IL34: variants seen among roughly 807,000 people sequenced by gnomAD.
The protein encoded by IL34 is interleukin 34, also known as interleukin-34.
Under a neutral mutation model 25.3 loss-of-function variants are expected in IL34, and 17 were observed. That is an observed-to-expected ratio of 0.67 (90% CI 0.46 to 1.01). The LOEUF is 1.01. Among genes scored for constraint, IL34 ranks in the 50% least tolerant of loss-of-function variants. The pLI is 0.00. For missense variants in IL34, 368 were observed against 312.9 expected, an observed-to-expected ratio of 1.18 and a Z score of -1.33; for synonymous variants, 174 against 140.9, an observed-to-expected ratio of 1.23 and a Z score of -1.66.
In IL34 at chr16:70,646,703, G is replaced by C. The variant is rs2051940268; in HGVS notation, c.-245G>C. The C allele has an allele frequency of 2.1e-6, 1 of 473,198 alleles. No homozygotes were observed. Among genetic ancestry groups the C allele is most frequent in the Non-Finnish European group, 3.7e-6 (1 of 271,810 alleles). 29.3% of individuals were successfully genotyped at this position (473,198 alleles called of 1,614,324 possible). A position where few individuals can be genotyped will look rare whatever the true frequency, so the allele number is the denominator to read the frequency against. ...AAGCCACCGGCTCAGACCTGCTTCT[G>C]GGCTGCCATGGGACTTGCGGCCACC... On this transcript the variant is annotated 5_prime_UTR_variant, in exon 1 of 6. Coordinates refer to ENST00000288098, the MANE Select transcript of IL34 (RefSeq NM_001393494.1).
chr16:70,622,144 AGG>A (rs960886814), intron 1 of IL34, among the ~76,000 whole-genome samples: 5 of 152,000 alleles, frequency 3.3e-5, no homozygotes, highest in African/African-American at 1.2e-4. Flanking sequence ...GACTGTATAG[AGG>A]GGGGAAGGCT....
chr16:70,602,631 T>A (rs1201491230), intron 1 of IL34, among the ~76,000 whole-genome samples: 1 of 129,926 alleles, frequency 7.7e-6, no homozygotes, highest in Non-Finnish European at 1.6e-5. Context: ...GTGTTTGTGT[T>A]GGGCGAGGGG....
intron 1 of IL34, among the ~76,000 whole-genome samples, chr16:70,593,958 A>G (rs1449692417): frequency 6.6e-6 from 1 of 152,148 alleles, no homozygotes; most frequent in African/African-American, 2.4e-5. Flanking sequence ...GTGTGAGTCT[A>G]TTCTTGGTTC....
intron 1 of IL34, among the ~76,000 whole-genome samples, chr16:70,639,447 G>A (rs2051731062): frequency 6.6e-6 from 1 of 152,168 alleles, no homozygotes; most frequent in South Asian, 2.1e-4. Context: ...ATGGGGAAAC[G>A]CTTGATCAGA....
intron 1 of IL34, among the ~76,000 whole-genome samples, chr16:70,611,367 C>T (rs373978298): frequency 5.9e-5 from 9 of 152,096 alleles, no homozygotes; most frequent in East Asian, 5.8e-4. Context: ...TCCTTCTCCC[C>T]GCCACCTTGC....
intron 1 of IL34, among the ~76,000 whole-genome samples, chr16:70,589,939 A>T (rs1347982483): frequency 6.6e-6 from 1 of 152,190 alleles, no homozygotes; most frequent in Non-Finnish European, 1.5e-5. Context: ...TGATTTTTAA[A>T]AACAAACGAA....
At chr16:70,641,126 C>A (rs2051772221) in intron 1 of IL34, among the ~76,000 whole-genome samples, 3 of 149,584 alleles carry the variant, frequency 2.0e-5, no homozygotes, top group Admixed American at 2.0e-4. Flanking sequence ...ACAAAAAAAT[C>A]AGCCGGAAGT....
At chr16:70,602,109 C>T (rs1293274687) in intron 1 of IL34, among the ~76,000 whole-genome samples, 2 of 152,224 alleles carry the variant, frequency 1.3e-5, no homozygotes, top group Admixed American at 6.5e-5. Context: ...AGTTGCAGGA[C>T]TCAGGTCTCC....
intron 1 of IL34, among the ~76,000 whole-genome samples, chr16:70,631,808 C>A (rs942234135): frequency 6.6e-6 from 1 of 152,138 alleles, no homozygotes; most frequent in Non-Finnish European, 1.5e-5. Flanking sequence ...TGTGTGTAAC[C>A]TCAGACAAGT....
chr16:70,658,636 C>T (rs1213431290), intron 4 of IL34, among the ~76,000 whole-genome samples: 2 of 151,322 alleles, frequency 1.3e-5, no homozygotes, highest in African/African-American at 2.4e-5. Flanking sequence ...TGCCTGCCAC[C>T]ACACCTGTAT....
Position 70,655,693 on chromosome 16 carries a change from A to G in IL34, c.163-909A>G, listed in dbSNP as rs527768403. Among the ~76,000 whole-genome samples, 7 of 152,108 alleles carry G rather than the reference A, an allele frequency of 4.6e-5. No homozygotes were observed. In the South Asian group the frequency reaches 1.0e-3, roughly 23 times the overall value. ...AGGTGTGAGCCACCATGCCTGACCA[A>G]TGTATCTTTTTAAATTAATTAATTT... On this transcript the variant is annotated intron_variant, in intron 2 of 5. Coordinates refer to ENST00000288098, the MANE Select transcript of IL34 (RefSeq NM_001393494.1).
In IL34 at chr16:70,630,738, A is replaced by T. The variant is rs980713476; in HGVS notation, c.-400-15810A>T. Among the ~76,000 whole-genome samples, 4 of 151,910 alleles carry T rather than the reference A, an allele frequency of 2.6e-5. No homozygotes were observed. The South Asian group carries it at 8.3e-4, about 32-fold the overall frequency. On this transcript the variant is annotated intron_variant, in intron 1 of 6. Coordinates refer to the IL34 transcript ENST00000429149. ...ACAGGCACACCACCATGCCTGGCTA[A>T]TTTTTATATTTTTTTGTAGAGACGG...
At chr16:70,590,089 C>G (rs2050735540) in intron 1 of IL34, among the ~76,000 whole-genome samples, 1 of 152,204 alleles carries the variant, frequency 6.6e-6, no homozygotes, top group African/African-American at 2.4e-5. Flanking sequence ...CAGACCCACC[C>G]AGGGGAGGGG....
intron 1 of IL34, among the ~76,000 whole-genome samples, chr16:70,604,050 G>A (rs573401918): frequency 6.6e-6 from 1 of 152,342 alleles, no homozygotes; most frequent in East Asian, 1.9e-4. Context: ...CAGTGGGGCT[G>A]CTGTTCCAGT....
At chr16:70,623,864 A>C (rs4985543) in intron 1 of IL34, among the ~76,000 whole-genome samples, 61,219 of 149,538 alleles carry the variant, frequency 0.41, 13,484 homozygotes, top group South Asian at 0.66. Flanking sequence ...GAGGTTTAGA[A>C]GCCTGGCCGT....
intron 1 of IL34, among the ~76,000 whole-genome samples, chr16:70,580,254 A>T (rs1436174259): frequency 2.0e-5 from 3 of 152,184 alleles, no homozygotes; most frequent in African/African-American, 7.2e-5. Flanking sequence ...TCTGGGTTTC[A>T]ATTTTTAACC....
At chr16:70,631,453 T>C (rs2051515975) in intron 1 of IL34, among the ~76,000 whole-genome samples, 1 of 152,228 alleles carries the variant, frequency 6.6e-6, no homozygotes, top group South Asian at 2.1e-4. Context: ...TATTAACTTT[T>C]AAAACAAAAC....
intron 1 of IL34, among the ~76,000 whole-genome samples, chr16:70,596,222 C>G (rs2050821332): frequency 6.6e-6 from 1 of 152,148 alleles, no homozygotes; most frequent in South Asian, 2.1e-4. Context: ...GGCACTAAAT[C>G]CATTCAAAAG....
intron 1 of IL34, among the ~76,000 whole-genome samples, chr16:70,653,788 C>G (rs182768081): frequency 3.3e-4 from 50 of 152,310 alleles, no homozygotes; most frequent in African/African-American, 1.0e-3. Flanking sequence ...CTGTTTTATT[C>G]TTTCTGCTCT....
Sources: gnomAD v4.1 joint callset for allele counts (sites outside exome capture counted in the v4.1 genomes callset) on GRCh38, gnomAD v4.1.1 for gene constraint, MANE v1.5 for transcripts, NCBI Gene and HGNC (gene_info 2026-07-23, HGNC 2026-07-21) for gene names.